Variants in SPTBN1 observed in about 807,000 individuals in gnomAD.
SPTBN1 encodes the protein spectrin beta, non-erythrocytic 1.
SPTBN1 carries 32 observed loss-of-function variants against 266.4 expected under a neutral mutation model. The ratio of observed to expected loss-of-function variants is 0.12; its 90% CI spans 0.09 to 0.16. The LOEUF is 0.16. Among genes scored for constraint, SPTBN1 ranks in the 10% least tolerant of loss-of-function variants. The pLI, the probability that SPTBN1 is intolerant of heterozygous loss-of-function variation, is 1.00. For missense variants in SPTBN1, 2,296 were observed against 3,067.1 expected (o/e 0.75, Z 5.94); for synonymous variants, 1,336 against 1,162.2 (o/e 1.15, Z -3.04).
rs61732871 is a variant in SPTBN1, at chr2:54,631,590, C to A, written c.3543C>A (p.Ala1181=). 106 of 1,611,428 alleles carry A rather than the reference C, an allele frequency of 6.6e-5. No homozygotes were observed. The highest frequency in any genetic ancestry group is 9.3e-5 in the African/African-American group (7 of 74,904). The change falls in exon 16 of 36, where the codon GCC becomes GCA. Residue 1181 remains alanine (A), a synonymous_variant. Transcript: ENST00000356805. ...AGTTCCTCAGAGACACGAAGCAAGC[C>A]GAAGCCTTTCTTAACAACCAGGTAA... The part of the protein sequence containing the change: ...YQQFLRDTKQ[A]EAFLNNQEYV...
chr2:54,547,872 T>C (rs981169761), intron 2 of SPTBN1, among the ~76,000 whole-genome samples: 8 of 152,180 alleles, frequency 5.3e-5, no homozygotes, highest in Admixed American at 2.0e-4. Context: ...TGGCCAGGCG[T>C]GGTGGCTCAC....
intron 2 of SPTBN1, among the ~76,000 whole-genome samples, chr2:54,556,245 A>T (rs80208856): frequency 0.044 from 6,735 of 152,170 alleles, 180 homozygotes; most frequent in Admixed American, 0.089. Flanking sequence ...CCCATTTCTT[A>T]CTTCTTATCC....
At chr2:54,463,965 CTG>C (rs558800924) in intron 1 of SPTBN1, among the ~76,000 whole-genome samples, 2 of 152,182 alleles carry the variant, frequency 1.3e-5, no homozygotes, top group Non-Finnish European at 2.9e-5. Flanking sequence ...AGGTCGATAA[CTG>C]TAAGTTCAAA....
chr2:54,588,257 T>A (rs970165525), intron 2 of SPTBN1, among the ~76,000 whole-genome samples: 2 of 152,184 alleles, frequency 1.3e-5, no homozygotes, highest in African/African-American at 4.8e-5. Context: ...CCAGGCTACA[T>A]AAAAAGAGGC....
At chr2:54,523,037 C>T (rs1478071801) in intron 1 of SPTBN1, among the ~76,000 whole-genome samples, 1 of 152,146 alleles carries the variant, frequency 6.6e-6, no homozygotes, top group Non-Finnish European at 1.5e-5. Flanking sequence ...AGATAGAATC[C>T]TCCAAGTTTG....
chr2:54,606,561 G>T (rs1676853505), intron 3 of SPTBN1, among the ~76,000 whole-genome samples: 1 of 152,136 alleles, frequency 6.6e-6, no homozygotes, highest in African/African-American at 2.4e-5. Context: ...CCTCAAATTT[G>T]AACAGTTTTG....
intron 2 of SPTBN1, chr2:54,528,790 A>G (rs1671003704): frequency 6.6e-6 from 1 of 152,212 alleles, no homozygotes; most frequent in Non-Finnish European, 1.5e-5. Context: ...TGGAATTCTC[A>G]GGAATGCATC....
At chr2:54,553,963 A>G (rs1245143711) in intron 2 of SPTBN1, among the ~76,000 whole-genome samples, 5 of 152,342 alleles carry the variant, frequency 3.3e-5, no homozygotes, top group African/African-American at 1.2e-4. Context: ...CTTAGTGTAC[A>G]GGTCCACCAA....
At chr2:54,650,090 A>T in intron 26 of SPTBN1, 101 bp downstream of exon 26, 1 of 1,435,174 alleles carries the variant, frequency 7.0e-7, no homozygotes, top group Non-Finnish European at 9.3e-7. Context: ...TCTTCAAAAG[A>T]ATTGCCCCAA....
intron 32 of SPTBN1, chr2:54,662,043 C>T: frequency 2.0e-6 from 2 of 985,424 alleles, no homozygotes; most frequent in Non-Finnish European, 2.4e-6. Context: ...GAATACCAAT[C>T]AGGTGTTTTC....
In SPTBN1 at chr2:54,668,573, C is replaced by G. The variant is rs368200147; in HGVS notation, c.*4C>G. On this transcript the variant is annotated 3_prime_UTR_variant, in exon 36 of 36. Transcript: ENST00000356805. ...CCTTTTTGGCAAAAAGAAATGAACT[C>G]CTTTCCTTCACCTCCTGCCCTTCTC... 823 of 1,606,296 alleles carry G rather than the reference C, an allele frequency of 5.1e-4. 15 individuals carry two copies. In the South Asian group the frequency reaches 8.6e-3, roughly 17 times the overall value.
Position 54,670,446 on chromosome 2 carries a change from G to A in SPTBN1, c.*1877G>A. ...CAGCCCTGGGCTCCACAGCTGCGTG[G>A]CATCAAAGCTTTCTCTTAACTCTCT... On this transcript the variant is annotated 3_prime_UTR_variant, in exon 36 of 36. Coordinates refer to ENST00000356805, the MANE Select transcript of SPTBN1 (RefSeq NM_003128.3). 2.7e-6 allele frequency: 1 copy of A among 366,778 alleles called. No homozygotes were observed. The highest frequency in any genetic ancestry group is 4.8e-6 in the Non-Finnish European group (1 of 206,564). The allele number at this position is 366,778 out of a possible 1,614,324, so 22.7% of individuals were successfully genotyped here. A position where few individuals can be genotyped will look rare whatever the true frequency, so the allele number is the denominator to read the frequency against.
rs552025431 is a variant in SPTBN1 at position 54,628,737 on chromosome 2, T to C, written c.1799-196T>C. ...GCGGTTTGGCCAAAAAAAAATAATG[T>C]TTATCATTGCCCTCACTCCTGTTCT... On this transcript the variant is annotated intron_variant, in intron 13 of 35. Coordinates refer to ENST00000356805, the MANE Select transcript of SPTBN1 (RefSeq NM_003128.3). This position sits in a 1 kb window ranked among gnomAD's most constrained non-coding sequence, Gnocchi z 4.3. Among the ~76,000 whole-genome samples, 1 of 152,292 alleles carries C rather than the reference T, an allele frequency of 6.6e-6. No individual in the cohort carries two copies. The highest frequency in any genetic ancestry group is 2.4e-5 in the African/African-American group (1 of 41,556).
At chr2:54,513,623 G>A (rs6709549) in intron 1 of SPTBN1, among the ~76,000 whole-genome samples, 1 of 152,140 alleles carries the variant, frequency 6.6e-6, no homozygotes, top group East Asian at 1.9e-4. Context: ...ATTGTTATTT[G>A]TGGTGGCTAG....
At chr2:54,519,990 C>A (rs775132401) in intron 1 of SPTBN1, among the ~76,000 whole-genome samples, 1 of 151,998 alleles carries the variant, frequency 6.6e-6, no homozygotes, top group African/African-American at 2.4e-5. Flanking sequence ...GCTGTGAGTT[C>A]GGTGTTCGAC....
At chr2:54,541,280 A>G (rs1023514913) in intron 2 of SPTBN1, among the ~76,000 whole-genome samples, 1 of 152,244 alleles carries the variant, frequency 6.6e-6, no homozygotes, top group Non-Finnish European at 1.5e-5. Context: ...GTGTGCTTCC[A>G]GCATTTGCCC....
rs558249774 is a variant in SPTBN1, at chr2:54,664,058, C to T, written c.6421-395C>T. 4 of 159,264 alleles carry T rather than the reference C, an allele frequency of 2.5e-5. No individual in the cohort carries two copies. The highest frequency in any genetic ancestry group is 6.3e-5 in the Admixed American group (1 of 15,928). 9.9% of individuals were successfully genotyped at this position (159,264 alleles called of 1,614,324 possible). On this transcript the variant is annotated intron_variant, in intron 32 of 35. Coordinates refer to ENST00000356805, the MANE Select transcript of SPTBN1 (RefSeq NM_003128.3). The surrounding 1 kb of genome is among the most constrained non-coding windows in gnomAD (Gnocchi z 5.6). ...CCTTTCGCTTAAACTTCCAGCCCTT[C>T]TGGTGGCATCCTTGGTTGTAAGGTG...
intron 1 of SPTBN1, among the ~76,000 whole-genome samples, chr2:54,492,998 T>G (rs1668772076): frequency 7.0e-6 from 1 of 143,208 alleles, no homozygotes; most frequent in Non-Finnish European, 1.5e-5. Flanking sequence ...CTAAATAACA[T>G]ATCTTTTTTT....
At chr2:54,666,236 C>T (rs971279280) in intron 34 of SPTBN1, 148 bp downstream of exon 34, 38 of 877,086 alleles carry the variant, frequency 4.3e-5, no homozygotes, top group Admixed American at 9.2e-5. Context: ...CAGTTTGGCA[C>T]GTGTCTCGGT....
Sources: allele counts gnomAD v4.1 joint callset (sites outside exome capture counted in the v4.1 genomes callset), GRCh38; gene constraint gnomAD v4.1.1; non-coding constraint Gnocchi (gnomAD v3.1); transcripts MANE v1.5; gene names NCBI Gene and HGNC (gene_info 2026-07-23, HGNC 2026-07-21).